The following UTRN variants were observed in gnomAD, a reference collection of about 807,000 sequenced individuals.
UTRN encodes dystrophin-related protein 1.
In UTRN, 283 loss-of-function variants were observed where a neutral mutation model predicts 463.9. That is an observed-to-expected ratio of 0.61 (90% confidence interval 0.55 to 0.67). The LOEUF is 0.67. Ranked by LOEUF, UTRN falls within the 30% of genes least tolerant of loss-of-function variation. The pLI is 0.00. For missense variants in UTRN, 3,922 were observed against 4,084.3 expected (o/e 0.96, Z 1.08); for synonymous variants, 1,442 against 1,431.5 (o/e 1.01, Z -0.17).
intron 3 of UTRN, among the ~76,000 whole-genome samples, chr6:144,421,427 C>G (rs938928953): frequency 6.6e-6 from 1 of 152,054 alleles, no homozygotes; most frequent in African/African-American, 2.4e-5. Flanking sequence ...CAGTGGCTCA[C>G]GCCTGTAATC....
intron 2 of UTRN, among the ~76,000 whole-genome samples, chr6:144,368,836 A>G (rs1431313300): frequency 6.6e-6 from 1 of 152,202 alleles, no homozygotes; most frequent in Non-Finnish European, 1.5e-5. Context: ...GTTTAGTGGC[A>G]GTTTGGAAAT....
At chr6:144,602,136 A>C (rs936008454) in intron 51 of UTRN, among the ~76,000 whole-genome samples, 2 of 149,956 alleles carry the variant, frequency 1.3e-5, no homozygotes, top group African/African-American at 2.5e-5. Context: ...TTTTTTTTTT[A>C]TTTTTCTTTT....
chr6:144,414,996 G>A (rs1452049627), intron 3 of UTRN, among the ~76,000 whole-genome samples: 1 of 152,200 alleles, frequency 6.6e-6, no homozygotes, highest in East Asian at 1.9e-4. Flanking sequence ...TTACAGGCAT[G>A]AGCCACTGTA....
At position 144,561,228 on chromosome 6, in the gene UTRN, T is replaced by C. The variant is rs1165441142; in HGVS notation, c.7289+3917T>C. On this transcript the variant is annotated intron_variant, in intron 50 of 74. Coordinates refer to ENST00000367545, the MANE Select transcript of UTRN (RefSeq NM_007124.3). ...CATTATATATATATATATATATATA[T>C]ATATATATATATATATATATATATA... 1.1e-4 allele frequency among the ~76,000 whole-genome samples: 9 copies of C among 78,844 alleles called. No individual in the cohort carries two copies. In the East Asian group the frequency reaches 1.4e-3, roughly 12 times the overall value. The allele number at this position is 78,844 out of a possible 152,430, so 51.7% of individuals were successfully genotyped here.
chr6:144,720,968 A>G (rs1303327917), intron 53 of UTRN, among the ~76,000 whole-genome samples: 3 of 152,158 alleles, frequency 2.0e-5, no homozygotes, highest in African/African-American at 4.8e-5. Context: ...GTATTTTTAT[A>G]TATTGTATAT....
chr6:144,851,140 A>G lies in UTRN; in HGVS notation c.*143A>G. On this transcript the variant is annotated 3_prime_UTR_variant, in exon 75 of 75. Coordinates refer to ENST00000367545, the MANE Select transcript of UTRN (RefSeq NM_007124.3). ...TGCTGACTGTGTGTTCTACTGAAAG[A>G]GTAAAACACTGACTATCCAAAGAGA... is the stretch of plus-strand genomic sequence containing the variant. The G allele has an allele frequency of 1.0e-6, 1 of 1,004,972 alleles. No individual in the cohort carries two copies. The highest frequency in any genetic ancestry group is 1.6e-6 in the Non-Finnish European group (1 of 639,138). 62.3% of individuals were successfully genotyped at this position (1,004,972 alleles called of 1,614,324 possible).
rs1225606645 is a variant in UTRN, at chr6:144,337,150, GACAC to G, written c.79+45253_79+45256del. On this transcript the variant is annotated intron_variant, in intron 2 of 74. Coordinates refer to ENST00000367545, the MANE Select transcript of UTRN (RefSeq NM_007124.3). The stretch of plus-strand genomic sequence containing the variant: ...ACACACACACAGACTCACACACAGA[GACAC>G]ACACACACAGACACACACACACAGA... 2.7e-5 allele frequency among the ~76,000 whole-genome samples: 4 copies of G among 147,526 alleles called. No homozygotes were observed. The South Asian group carries it at 6.6e-4, about 24-fold the overall frequency.
intron 3 of UTRN, among the ~76,000 whole-genome samples, chr6:144,420,426 G>T (rs948592828): frequency 8.5e-5 from 13 of 152,126 alleles, no homozygotes; most frequent in African/African-American, 3.1e-4. Flanking sequence ...ACTTAAAGCC[G>T]AGGCTTCCTG....
At chr6:144,788,565 A>ATTTT (rs796235314) in intron 61 of UTRN, among the ~76,000 whole-genome samples, 2 of 136,836 alleles carry the variant, frequency 1.5e-5, no homozygotes, top group African/African-American at 5.4e-5. Flanking sequence ...AATTCATAGT[A>ATTTT]TTTTTTTTTT....
intron 51 of UTRN, among the ~76,000 whole-genome samples, chr6:144,654,351 C>A (rs572556538): frequency 6.6e-6 from 1 of 152,218 alleles, no homozygotes; most frequent in East Asian, 1.9e-4. Flanking sequence ...TAGCTGATCG[C>A]GTGGGGTTAG....
At chr6:144,524,127 A>G (rs1042576445) in intron 41 of UTRN, among the ~76,000 whole-genome samples, 4 of 152,104 alleles carry the variant, frequency 2.6e-5, no homozygotes, top group East Asian at 1.9e-4. Context: ...CTTTTTTTCT[A>G]TTTTAGCCTA....
intron 69 of UTRN, among the ~76,000 whole-genome samples, chr6:144,830,704 ATTTGTTT>A (rs140423388): frequency 0.06 from 8,837 of 148,326 alleles, 266 homozygotes; most frequent in Middle Eastern, 0.13. Context: ...TTTGTCTGTG[ATTTGTTT>A]TTTGTTTTTT....
rs780974577 is a variant in UTRN, at chr6:144,827,372, G to T, written c.9519G>T (p.Trp3173Cys). 2.5e-6 allele frequency: 4 copies of T among 1,613,378 alleles called. No homozygotes were observed. The East Asian group carries it at 6.7e-5, about 27-fold the overall frequency. ...LETPITLISM[W>C]PEHYDPSQSP... ...GTCCTATCACACTCATCAGTATGTGGCCAGAGCACTATGAGTGAGTATTCA... is the reference window on the plus strand; with the variant it reads ...GTCCTATCACACTCATCAGTATGTGTCCAGAGCACTATGAGTGAGTATTCA... Residue 3173 changes from tryptophan (W) to cysteine (C), a missense_variant, in exon 67 of 75, where the codon TGG becomes TGT. Transcript: ENST00000367545.
At chr6:144,362,802 A>G (rs898679257) in intron 2 of UTRN, among the ~76,000 whole-genome samples, 4 of 152,206 alleles carry the variant, frequency 2.6e-5, no homozygotes, top group African/African-American at 9.6e-5. Flanking sequence ...GGGTCCTTAC[A>G]ACATCTGACC....
At position 144,514,008 on chromosome 6, in the gene UTRN, CCAA is replaced by C; in HGVS notation, c.5048_5050del (p.Thr1683del). 3 of 1,613,898 alleles carry C rather than the reference CCAA, an allele frequency of 1.9e-6. No homozygotes were observed. The highest frequency in any genetic ancestry group is 2.5e-6 in the Non-Finnish European group (3 of 1,179,884). The stretch of plus-strand genomic sequence containing the variant: ...TCTATTGGATGAAATTGAAAAGAAA[CCAA>C]CAAGTAAACAGGAAGAAATTGTGAA... On this transcript the variant is annotated inframe_deletion, in exon 36 of 75. Coordinates refer to ENST00000367545, the MANE Select transcript of UTRN (RefSeq NM_007124.3).
At chr6:144,653,852 A>G (rs992637181) in intron 51 of UTRN, among the ~76,000 whole-genome samples, 12 of 152,304 alleles carry the variant, frequency 7.9e-5, no homozygotes, top group Admixed American at 7.2e-4. Context: ...TTACCCTCAA[A>G]TTTGGCAGAT....
intron 51 of UTRN, among the ~76,000 whole-genome samples, chr6:144,578,735 T>C (rs1801686142): frequency 6.6e-6 from 1 of 152,220 alleles, no homozygotes; most frequent in Admixed American, 6.5e-5. Context: ...CGCAGTGCCC[T>C]GTGTGCAAAT....
intron 58 of UTRN, among the ~76,000 whole-genome samples, chr6:144,761,506 G>A (rs1218576403): frequency 6.6e-6 from 1 of 151,904 alleles, no homozygotes; most frequent in Non-Finnish European, 1.5e-5. Flanking sequence ...AATTAGCTGG[G>A]CATGGTAACA....
intron 44 of UTRN, among the ~76,000 whole-genome samples, chr6:144,538,026 TG>T (rs1388788160): frequency 6.6e-6 from 1 of 152,190 alleles, no homozygotes; most frequent in East Asian, 1.9e-4. Context: ...TATCGTTTTT[TG>T]TTTTTAGATT....
Sources: gnomAD v4.1 joint callset for allele counts (sites outside exome capture counted in the v4.1 genomes callset) on GRCh38, gnomAD v4.1.1 for gene constraint, MANE v1.5 for transcripts, NCBI Gene and HGNC (gene_info 2026-07-23, HGNC 2026-07-21) for gene names.